Variants in MIA2 observed in about 807,000 individuals in gnomAD.
The protein encoded by MIA2 is melanoma inhibitory activity protein 2.
A neutral mutation model predicts 167.8 loss-of-function variants in MIA2; 127 were observed. The ratio of observed to expected loss-of-function variants is 0.76; its 90% CI spans 0.66 to 0.88. MIA2 has a LOEUF of 0.88. Ranked by LOEUF, MIA2 falls within the 40% of genes least tolerant of loss-of-function variation. The pLI is 0.00. For missense variants in MIA2, 1,690 were observed against 1,624.7 expected, an observed-to-expected ratio of 1.04 and a Z score of -0.69; for synonymous variants, 552 against 541.9, an observed-to-expected ratio of 1.02 and a Z score of -0.26.
intron 25 of MIA2, among the ~76,000 whole-genome samples, chr14:39,330,988 G>T (rs2068739209): frequency 6.6e-6 from 1 of 152,168 alleles, no homozygotes; most frequent in Non-Finnish European, 1.5e-5. Context: ...GCTTGGTCCA[G>T]AGCTGAATTC....
At chr14:39,316,118 C>T (rs1341857675) in intron 21 of MIA2, among the ~76,000 whole-genome samples, 1 of 152,130 alleles carries the variant, frequency 6.6e-6, no homozygotes, top group Non-Finnish European at 1.5e-5. Flanking sequence ...CCTTCTAGTT[C>T]TAAAAGTCAT....
Position 39,268,633 on chromosome 14 carries a change from T to C in MIA2, c.1888-8301T>C, listed in dbSNP as rs548886762. Among the ~76,000 whole-genome samples the C allele has an allele frequency of 3.3e-5, 5 of 152,330 alleles. No homozygotes were observed. In the East Asian group the frequency reaches 7.7e-4, roughly 23 times the overall value. On this transcript the variant is annotated intron_variant, in intron 6 of 28. Transcript: ENST00000640607. ...AGTGCTGTAGGTGTTGGAGAGCTCTTGAAGGCTTTTCCGTGGTTAGACTTG... is the reference window on the plus strand; with the variant it reads ...AGTGCTGTAGGTGTTGGAGAGCTCTCGAAGGCTTTTCCGTGGTTAGACTTG...
At chr14:39,265,159 G>GTA (rs3834509) in intron 6 of MIA2, 6,173 of 372,998 alleles carry the variant, frequency 0.017, 9 homozygotes, top group East Asian at 0.056. Context: ...ATGTGTGTGA[G>GTA]TATATATATA....
chr14:39,290,937 T>C, intron 9 of MIA2, 82 bp from the exon 10 acceptor site: 3 of 1,231,286 alleles, frequency 2.4e-6, no homozygotes, highest in South Asian at 2.8e-5. Flanking sequence ...AAATGGATTC[T>C]GTCTGCTTCT....
intron 18 of MIA2, 152 bp downstream of exon 18, chr14:39,308,739 G>A (rs904802517): frequency 6.0e-6 from 4 of 661,348 alleles, no homozygotes; most frequent in Non-Finnish European, 9.3e-6. Context: ...ATTTGATCTG[G>A]AGACACTTTT....
intron 3 of MIA2, among the ~76,000 whole-genome samples, chr14:39,240,925 T>A (rs554199820): frequency 6.6e-6 from 1 of 152,194 alleles, no homozygotes; most frequent in South Asian, 2.1e-4. Flanking sequence ...GAGTTTAAAG[T>A]CTGACTCAAC....
intron 6 of MIA2, among the ~76,000 whole-genome samples, chr14:39,269,605 G>C (rs552240318): frequency 2.2e-3 from 336 of 151,238 alleles, no homozygotes; most frequent in Non-Finnish European, 4.0e-3. Context: ...CTGCAGCTTA[G>C]ACCTCTCTGG....
chr14:39,379,879 T>A (rs1008055089), intron 23 of MIA2, among the ~76,000 whole-genome samples: 2 of 151,558 alleles, frequency 1.3e-5, no homozygotes, highest in Non-Finnish European at 2.9e-5. Context: ...TAAATTACCT[T>A]AAATTAAAAA....
chr14:39,339,835 T>G (rs762017818), intron 25 of MIA2, among the ~76,000 whole-genome samples: 5 of 152,152 alleles, frequency 3.3e-5, no homozygotes, highest in Admixed American at 2.0e-4. Context: ...AAAATTTATT[T>G]AATTTTCTTT....
intron 7 of MIA2, among the ~76,000 whole-genome samples, chr14:39,277,320 G>A (rs1566680017): frequency 1.3e-5 from 2 of 151,644 alleles, no homozygotes; most frequent in East Asian, 3.9e-4. Flanking sequence ...GAGCTTAGGG[G>A]TTTGTGACCA....
chr14:39,293,271 G>T lies in MIA2; in HGVS notation c.2209G>T (p.Ala737Ser). 1 of 1,604,044 alleles carries T rather than the reference G, an allele frequency of 6.2e-7. No homozygotes were observed. The highest frequency in any genetic ancestry group is 1.1e-5 in the South Asian group (1 of 89,778). Reference sequence around the variant, plus strand: ...TAATAAAGTTGGCTTTCTCTCTTAGGCAACCTGTGAAAAGCTGAACAGGTC... The same window carrying T: ...TAATAAAGTTGGCTTTCTCTCTTAGTCAACCTGTGAAAAGCTGAACAGGTC... ...KEATEAQSLEATCEKLNRSNS... is the reference protein window; with the variant it reads ...KEATEAQSLESTCEKLNRSNS... Residue 737 changes from alanine (A) to serine (S), a missense_variant and splice_region_variant, in exon 11 of 29, where the codon GCA becomes TCA. By Grantham distance (99) the Ala-to-Ser change is moderately conservative. Coordinates refer to ENST00000640607, the MANE Select transcript of MIA2 (RefSeq NM_001329214.4).
At chr14:39,291,446 A>T (rs909981252) in intron 10 of MIA2, among the ~76,000 whole-genome samples, 2 of 152,192 alleles carry the variant, frequency 1.3e-5, no homozygotes, top group Non-Finnish European at 2.9e-5. Context: ...GAGAAATAAG[A>T]TTCATTTTTA....
Position 39,252,737 on chromosome 14 carries a change from T to C in MIA2, c.1568-11T>C, listed in dbSNP as rs2054637370. ...TTTTGGAAAAACACATTTCTTTTTA[T>C]TTATTTGTAGATATGGTCTCTAACA... On this transcript the variant is annotated splice_polypyrimidine_tract_variant and intron_variant, in intron 4 of 28. Coordinates refer to ENST00000640607, the MANE Select transcript of MIA2 (RefSeq NM_001329214.4). 6.3e-7 allele frequency: 1 copy of C among 1,583,620 alleles called. No individual in the cohort carries two copies. Among genetic ancestry groups the C allele is most frequent in the Non-Finnish European group, 8.6e-7 (1 of 1,161,772 alleles).
chr14:39,292,932 T>C (rs1161735698), intron 10 of MIA2, among the ~76,000 whole-genome samples: 2 of 152,230 alleles, frequency 1.3e-5, no homozygotes, highest in African/African-American at 4.8e-5. Context: ...GTTGGCAAAC[T>C]GTGCCTAATG....
intron 6 of MIA2, chr14:39,266,913 G>A (rs2055807047): frequency 1.5e-6 from 1 of 651,720 alleles, no homozygotes; most frequent in African/African-American, 2.0e-5. Context: ...CGCCCGAGGC[G>A]GGTGCCCTTG....
intron 2 of MIA2, 124 bp from the exon 3 acceptor site, chr14:39,240,437 A>G: frequency 1.8e-6 from 1 of 552,246 alleles, no homozygotes; most frequent in Middle Eastern, 3.3e-4. Flanking sequence ...ATGGAAATTG[A>G]TAGTCGAGTA....
At chr14:39,260,669 C>T (rs1186518034) in intron 6 of MIA2, among the ~76,000 whole-genome samples, 2 of 152,200 alleles carry the variant, frequency 1.3e-5, no homozygotes, top group African/African-American at 2.4e-5. Flanking sequence ...CCTGTTCACT[C>T]TGATGGTAGT....
chr14:39,265,834 A>G (rs2152668351), intron 6 of MIA2: 1 of 287,580 alleles, frequency 3.5e-6, no homozygotes, highest in East Asian at 1.7e-4. Flanking sequence ...TGAACTATTC[A>G]CATAATTTTA....
intron 13 of MIA2, among the ~76,000 whole-genome samples, chr14:39,297,943 T>C (rs1293202985): frequency 6.6e-6 from 1 of 152,102 alleles, no homozygotes; most frequent in Non-Finnish European, 1.5e-5. Flanking sequence ...TTAAGTTCTC[T>C]CTAGTTGGTT....
Sources: gnomAD v4.1 joint callset for allele counts (sites outside exome capture counted in the v4.1 genomes callset) on GRCh38, gnomAD v4.1.1 for gene constraint, MANE v1.5 for transcripts, NCBI Gene and HGNC (gene_info 2026-07-23, HGNC 2026-07-21) for gene names.